The following TEK variants were observed in gnomAD, a reference collection of about 807,000 sequenced individuals.
TEK encodes the protein angiopoietin-1 receptor.
TEK carries 43 observed loss-of-function variants against 131.8 expected under a neutral mutation model. The observed-to-expected ratio is 0.33, with a 90% CI of 0.26 to 0.42. The LOEUF (loss-of-function observed/expected upper bound fraction) is 0.42. TEK is among the 10% of genes least tolerant of loss of function. The pLI, the probability that TEK is intolerant of heterozygous loss-of-function variation, is 1.00. For missense variants in TEK, 1,162 were observed against 1,384.4 expected (o/e 0.84, Z 2.55); for synonymous variants, 580 against 491.6 (o/e 1.18, Z -2.38).
rs772536310 is a variant in TEK, at chr9:27,185,590, G to T, written c.1288G>T (p.Ala430Ser). Residue 430 changes from alanine (A) to serine (S), a missense_variant, in exon 9 of 23, where the codon GCT (alanine) becomes TCT (serine). Ala to Ser is a moderately conservative substitution (Grantham distance 99, BLOSUM62 1). Transcript: ENST00000380036. ...TTGGGTCTGCAGTGTGAACACAGTG[G>T]CTGGGATGGTGGAAAAGCCCTTCAA... The part of the protein sequence containing the change: ...GVWVCSVNTV[A>S]GMVEKPFNIS... 9.9e-6 allele frequency: 16 copies of T among 1,613,836 alleles called. No individual in the cohort carries two copies. The South Asian group carries it at 1.8e-4, about 18-fold the overall frequency.
At chr9:27,133,490 A>G (rs113462587) in intron 1 of TEK, among the ~76,000 whole-genome samples, 3 of 152,228 alleles carry the variant, frequency 2.0e-5, no homozygotes, top group East Asian at 3.8e-4. Context: ...ATCTTCCAAC[A>G]TAGCCTCCTT....
chr9:27,119,847 C>T (rs954397889), intron 1 of TEK, among the ~76,000 whole-genome samples: 2 of 151,914 alleles, frequency 1.3e-5, no homozygotes, highest in African/African-American at 2.4e-5. Context: ...TGTGACTAAG[C>T]TTGTTGCATT....
Position 27,109,295 on chromosome 9 carries a change from C to G in TEK, c.-296C>G. Reference sequence around the variant, plus strand: ...AACAGATAAGTGTTTTGATGAATTGCGAGATGGATAGGGCTTGAGTGCCCC... The same window carrying G: ...AACAGATAAGTGTTTTGATGAATTGGGAGATGGATAGGGCTTGAGTGCCCC... On this transcript the variant is annotated 5_prime_UTR_variant, in exon 1 of 23. Transcript: ENST00000380036. 1 of 538,986 alleles carries G rather than the reference C, an allele frequency of 1.9e-6. No individual in the cohort carries two copies. Among genetic ancestry groups the G allele is most frequent in the Non-Finnish European group, 3.2e-6 (1 of 308,356 alleles). 33.4% of individuals were successfully genotyped at this position (538,986 alleles called of 1,614,324 possible). A position where few individuals can be genotyped will look rare whatever the true frequency, so the allele number is the denominator to read the frequency against.
intron 1 of TEK, among the ~76,000 whole-genome samples, chr9:27,156,449 G>A (rs1823333830): frequency 6.6e-6 from 1 of 151,932 alleles, no homozygotes. Context: ...GGCAGGTAGA[G>A]AAGCCTTCTA....
At chr9:27,177,379 G>A (rs527352951) in intron 6 of TEK, among the ~76,000 whole-genome samples, 1 of 152,266 alleles carries the variant, frequency 6.6e-6, no homozygotes, top group African/African-American at 2.4e-5. Flanking sequence ...TCTCATTGTG[G>A]TTTTGATTTT....
At chr9:27,155,954 C>T (rs548687811) in intron 1 of TEK, among the ~76,000 whole-genome samples, 121 of 152,178 alleles carry the variant, frequency 8.0e-4, no homozygotes, top group African/African-American at 1.5e-3. Context: ...AGGCACCCAC[C>T]ACCACACCCA....
chr9:27,192,871 G>C (rs888783224), intron 11 of TEK, among the ~76,000 whole-genome samples: 1 of 152,150 alleles, frequency 6.6e-6, no homozygotes, highest in African/African-American at 2.4e-5. Flanking sequence ...CACTCTGTAG[G>C]GACAGAGAAG....
At chr9:27,195,289 A>G (rs1480658463) in intron 11 of TEK, among the ~76,000 whole-genome samples, 1 of 152,162 alleles carries the variant, frequency 6.6e-6, no homozygotes, top group Non-Finnish European at 1.5e-5. Context: ...TTCCCAGTAG[A>G]TGGAAACAGA....
At chr9:27,140,071 G>C (rs141987574) in intron 1 of TEK, among the ~76,000 whole-genome samples, 1 of 152,138 alleles carries the variant, frequency 6.6e-6, no homozygotes, top group African/African-American at 2.4e-5. Flanking sequence ...GCTCAGATCA[G>C]TGTCCATTTT....
chr9:27,137,723 C>G (rs942189060), intron 1 of TEK, among the ~76,000 whole-genome samples: 1 of 152,184 alleles, frequency 6.6e-6, no homozygotes, highest in African/African-American at 2.4e-5. Context: ...ACAAAGAGAT[C>G]CCAGAGGCTC....
chr9:27,169,592 C>A lies in TEK; in HGVS notation c.591C>A (p.Asn197Lys). The A allele has an allele frequency of 1.9e-6, 3 of 1,614,160 alleles. No homozygotes were observed. Among genetic ancestry groups the A allele is most frequent in the South Asian group, 1.1e-5 (1 of 91,086 alleles). ...GVYSARYIGGNLFTSAFTRLI... is the reference protein window; with the variant it reads ...GVYSARYIGGKLFTSAFTRLI... ...ACTCGGCCAGGTATATAGGAGGAAA[C>A]CTCTTCACCTCGGCCTTCACCAGGC... Residue 197 changes from asparagine (N) to lysine (K), a missense_variant, in exon 4 of 23, where the codon AAC becomes AAA. This residue lies in a region of TEK where 436 missense variants were observed against 539.1 expected (regional missense o/e 0.81). Transcript: ENST00000380036.
intron 2 of TEK, among the ~76,000 whole-genome samples, 187 bp downstream of exon 2, chr9:27,158,329 C>T (rs1422249503): frequency 1.3e-5 from 2 of 152,074 alleles, no homozygotes; most frequent in Non-Finnish European, 2.9e-5. Flanking sequence ...GGAGACTACC[C>T]AGTCCAACCC....
At chr9:27,150,653 AC>A (rs1322056877) in intron 1 of TEK, among the ~76,000 whole-genome samples, 1 of 151,508 alleles carries the variant, frequency 6.6e-6, no homozygotes, top group Admixed American at 6.6e-5. Flanking sequence ...AGTCTGTAAA[AC>A]CTCTTCCGGT....
At position 27,153,892 on chromosome 9, in the gene TEK, T is replaced by C. The variant is rs541076943; in HGVS notation, c.53-3939T>C. The stretch of plus-strand genomic sequence containing the variant: ...GTTGTACTCGTTGTCGTGGAGCCTC[T>C]GCTCTATTCTTTCTGAAAGGCTGTT... On this transcript the variant is annotated intron_variant, in intron 1 of 22. Coordinates refer to ENST00000380036, the MANE Select transcript of TEK (RefSeq NM_000459.5). 7.2e-5 allele frequency among the ~76,000 whole-genome samples: 11 copies of C among 152,356 alleles called. No individual in the cohort carries two copies. The South Asian group carries it at 1.2e-3, about 17-fold the overall frequency.
intron 6 of TEK, among the ~76,000 whole-genome samples, chr9:27,173,814 C>T (rs1824060746): frequency 6.9e-6 from 1 of 145,332 alleles, no homozygotes; most frequent in South Asian, 2.2e-4. Flanking sequence ...CCTGTTGTCC[C>T]AGTTATTCAG....
At chr9:27,144,101 G>T (rs1312373384) in intron 1 of TEK, among the ~76,000 whole-genome samples, 1 of 152,168 alleles carries the variant, frequency 6.6e-6, no homozygotes, top group Non-Finnish European at 1.5e-5. Flanking sequence ...GGCCAACATG[G>T]TGAAACCCTG....
At chr9:27,187,109 G>A (rs796594653) in intron 9 of TEK, among the ~76,000 whole-genome samples, 7 of 152,186 alleles carry the variant, frequency 4.6e-5, no homozygotes, top group Admixed American at 1.3e-4. Flanking sequence ...ATGGACATAC[G>A]TCCAAAACAA....
chr9:27,133,936 G>A (rs1364269031), intron 1 of TEK, among the ~76,000 whole-genome samples: 1 of 152,230 alleles, frequency 6.6e-6, no homozygotes, highest in Non-Finnish European at 1.5e-5. Flanking sequence ...GGAAGTGATG[G>A]ATAGGTGTCC....
At chr9:27,190,041 A>G (rs1329139649) in intron 9 of TEK, among the ~76,000 whole-genome samples, 1 of 152,234 alleles carries the variant, frequency 6.6e-6, no homozygotes, top group African/African-American at 2.4e-5. Flanking sequence ...TGAAATATTC[A>G]CATCAGAGCT....
Sources: gnomAD v4.1 joint callset for allele counts (sites outside exome capture counted in the v4.1 genomes callset) on GRCh38, gnomAD v4.1.1 for gene constraint, gnomAD v4.1.1 regional missense constraint, MANE v1.5 for transcripts, NCBI Gene and HGNC (gene_info 2026-07-23, HGNC 2026-07-21) for gene names.